The following TLE4 variants were observed in gnomAD, a reference collection of about 807,000 sequenced individuals.
TLE4 encodes the protein transducin-like enhancer protein 4.
TLE4 carries 8 observed loss-of-function variants against 92.8 expected under a neutral mutation model. The observed-to-expected ratio is 0.09, with a 90% confidence interval of 0.05 to 0.16. TLE4 has a LOEUF of 0.16. Ranked by LOEUF, TLE4 falls within the 10% of genes least tolerant of loss-of-function variation. The probability of loss-of-function intolerance (pLI) is 1.00; values close to 1 mark genes in which losing one functional copy is unlikely to be tolerated. For missense variants in TLE4, 675 were observed against 997.6 expected, an observed-to-expected ratio of 0.68 and a Z score of 4.36; for synonymous variants, 371 against 374.1, an observed-to-expected ratio of 0.99 and a Z score of 0.10.
chr9:79,583,477 A>T (rs2040241806), intron 4 of TLE4, among the ~76,000 whole-genome samples: 1 of 152,246 alleles, frequency 6.6e-6, no homozygotes, highest in African/African-American at 2.4e-5. Context: ...TCCCGGTGCG[A>T]GACAATACTC....
chr9:79,668,941 C>A (rs2061828985), intron 8 of TLE4: 2 of 561,278 alleles, frequency 3.6e-6, no homozygotes, highest in South Asian at 7.9e-5. Flanking sequence ...ATTATCAATG[C>A]AGGTTACTGG....
Position 79,689,590 on chromosome 9 carries a change from A to T in TLE4, c.610-15193A>T, listed in dbSNP as rs111877478. On this transcript the variant is annotated intron_variant, in intron 8 of 19. Transcript: ENST00000376552. ...CAGTATTCAGAAGTGCGTAAAGAGC[A>T]TCTTGCCTCATCTTATGACATGGTT... Among the ~76,000 whole-genome samples the T allele has an allele frequency of 1.5e-3, 226 of 152,320 alleles. 1 individual carries two copies. Among genetic ancestry groups the T allele is most frequent in the African/African-American group, 4.1e-3 (170 of 41,580 alleles).
chr9:79,620,463 G>A (rs1174900887), intron 5 of TLE4, among the ~76,000 whole-genome samples: 3 of 152,180 alleles, frequency 2.0e-5, no homozygotes, highest in African/African-American at 7.2e-5. Context: ...GTAAGTGAGA[G>A]TGGAGAAGGC....
At chr9:79,682,861 G>T (rs973055036) in intron 8 of TLE4, among the ~76,000 whole-genome samples, 2 of 152,180 alleles carry the variant, frequency 1.3e-5, no homozygotes, top group African/African-American at 4.8e-5. Flanking sequence ...AGAAGAGAAT[G>T]CCAGAAACTT....
chr9:79,578,063 C>G (rs1177864847), intron 4 of TLE4, among the ~76,000 whole-genome samples: 1 of 152,124 alleles, frequency 6.6e-6, no homozygotes, highest in Non-Finnish European at 1.5e-5. Flanking sequence ...GACAGCCCTG[C>G]AAACCACCTA....
At chr9:79,658,956 A>G (rs1440493209) in intron 8 of TLE4, among the ~76,000 whole-genome samples, 2 of 152,216 alleles carry the variant, frequency 1.3e-5, no homozygotes, top group Non-Finnish European at 2.9e-5. Context: ...TAAGGGCTGT[A>G]ACACTTCAGC....
intron 8 of TLE4, among the ~76,000 whole-genome samples, chr9:79,664,574 T>C (rs1324447080): frequency 6.6e-6 from 1 of 152,222 alleles, no homozygotes; most frequent in Non-Finnish European, 1.5e-5. Flanking sequence ...AATTTTAAAC[T>C]AAGCTGGTGA....
intron 5 of TLE4, among the ~76,000 whole-genome samples, chr9:79,624,347 A>G (rs1320958385): frequency 6.6e-6 from 1 of 152,062 alleles, no homozygotes; most frequent in Non-Finnish European, 1.5e-5. Flanking sequence ...GTAATGTTAC[A>G]TGGTGTGGCT....
intron 8 of TLE4, among the ~76,000 whole-genome samples, chr9:79,703,656 G>A (rs2070622435): frequency 6.6e-6 from 1 of 152,142 alleles, no homozygotes; most frequent in East Asian, 1.9e-4. Flanking sequence ...AAGCATACAG[G>A]CTGAGCCTAA....
chr9:79,634,055 G>T (rs1377082191), intron 6 of TLE4, among the ~76,000 whole-genome samples: 1 of 152,184 alleles, frequency 6.6e-6, no homozygotes, highest in East Asian at 1.9e-4. Flanking sequence ...GAAAAGGTTA[G>T]AACTCTTTAG....
chr9:79,720,013 T>A, intron 15 of TLE4, 33 bp from the exon 16 acceptor site: 1 of 1,577,528 alleles, frequency 6.3e-7, no homozygotes, highest in South Asian at 1.1e-5. Context: ...CCTTTCCTCA[T>A]GAGTAATCTC....
At chr9:79,711,453 C>T (rs187499508) in intron 14 of TLE4, among the ~76,000 whole-genome samples, 13 of 152,322 alleles carry the variant, frequency 8.5e-5, no homozygotes, top group Admixed American at 7.8e-4. Context: ...CAGATACCTA[C>T]AAGTTCCATA....
intron 5 of TLE4, among the ~76,000 whole-genome samples, 177 bp downstream of exon 5, chr9:79,612,895 G>T (rs535936082): frequency 6.6e-6 from 1 of 152,246 alleles, no homozygotes; most frequent in African/African-American, 2.4e-5. Context: ...CTTTCTGTGG[G>T]ATATAATTTA....
At chr9:79,705,059 C>T (rs2071132450) in intron 9 of TLE4, among the ~76,000 whole-genome samples, 157 bp downstream of exon 9, 1 of 152,186 alleles carries the variant, frequency 6.6e-6, no homozygotes, top group African/African-American at 2.4e-5. Context: ...TAGCCATTGG[C>T]TAGCTGAAGT....
intron 8 of TLE4, among the ~76,000 whole-genome samples, chr9:79,670,871 T>G (rs191122423): frequency 2.7e-5 from 4 of 149,136 alleles, no homozygotes; most frequent in East Asian, 3.9e-4. Flanking sequence ...TCCTTATTGG[T>G]TTTTTTTTTG....
chr9:79,724,984 C>CA, intron 19 of TLE4, 53 bp from the exon 20 acceptor site: 1 of 1,335,548 alleles, frequency 7.5e-7, no homozygotes, highest in Non-Finnish European at 1.1e-6. Context: ...CCTCCATACT[C>CA]ATGGGATTTT....
chr9:79,593,870 G>A (rs946353483), intron 4 of TLE4, among the ~76,000 whole-genome samples: 1 of 152,080 alleles, frequency 6.6e-6, no homozygotes, highest in Admixed American at 6.5e-5. Flanking sequence ...TGACTTATTG[G>A]TAACTTTACA....
At chr9:79,708,307 C>A in intron 12 of TLE4, 57 bp downstream of exon 12, 1 of 1,574,952 alleles carries the variant, frequency 6.3e-7, no homozygotes, top group East Asian at 2.2e-5. Context: ...GAATTTAAAG[C>A]AATTTAAGGA....
At chr9:79,619,488 G>A (rs1392199170) in intron 5 of TLE4, among the ~76,000 whole-genome samples, 3 of 152,292 alleles carry the variant, frequency 2.0e-5, no homozygotes, top group African/African-American at 4.8e-5. Context: ...AAGTGTTATC[G>A]CCTTACAGTC....
Sources: allele counts gnomAD v4.1 joint callset (sites outside exome capture counted in the v4.1 genomes callset), GRCh38; gene constraint gnomAD v4.1.1; transcripts MANE v1.5; gene names NCBI Gene and HGNC (gene_info 2026-07-23, HGNC 2026-07-21).